The following CAMTA1 variants were observed in gnomAD, a reference collection of about 807,000 sequenced individuals.
The protein encoded by CAMTA1 is calmodulin-binding transcription activator 1.
CAMTA1 carries 27 observed loss-of-function variants against 170.9 expected under a neutral mutation model. That is an observed-to-expected ratio of 0.16 (90% CI 0.12 to 0.22). CAMTA1 has a LOEUF of 0.22. Among genes scored for constraint, CAMTA1 ranks in the 10% least tolerant of loss-of-function variants. The probability of loss-of-function intolerance (pLI) is 1.00; values close to 1 mark genes in which losing one functional copy is unlikely to be tolerated. For missense variants in CAMTA1, 1,619 were observed against 2,217.2 expected (o/e 0.73, Z 5.42); for synonymous variants, 833 against 891.5 (o/e 0.93, Z 1.17).
At chr1:6,880,804 A>G (rs1461764906) in intron 3 of CAMTA1, among the ~76,000 whole-genome samples, 2 of 152,152 alleles carry the variant, frequency 1.3e-5, no homozygotes, top group South Asian at 2.1e-4. Flanking sequence ...TGTTTGTTCA[A>G]TAAATACTTA....
At chr1:7,012,043 G>A (rs1276840355) in intron 3 of CAMTA1, among the ~76,000 whole-genome samples, 1 of 152,160 alleles carries the variant, frequency 6.6e-6, no homozygotes, top group African/African-American at 2.4e-5. Context: ...CTCACTGGGG[G>A]AAACCACAAT....
intron 4 of CAMTA1, among the ~76,000 whole-genome samples, chr1:7,152,287 C>T (rs2148693879): frequency 6.6e-6 from 1 of 152,284 alleles, no homozygotes; most frequent in Non-Finnish European, 1.5e-5. Context: ...GTAGCTCCTA[C>T]ATCTCCAGTA....
intron 5 of CAMTA1, among the ~76,000 whole-genome samples, chr1:7,387,458 C>T (rs751570099): frequency 5.3e-5 from 8 of 152,152 alleles, no homozygotes; most frequent in African/African-American, 9.7e-5. Context: ...CAGGCCAGGC[C>T]GTGGGGTCTC....
At position 6,795,454 on chromosome 1, in the gene CAMTA1, G is replaced by A. The variant is rs144409026; in HGVS notation, c.45+9879G>A. On this transcript the variant is annotated intron_variant, in intron 1 of 22. Transcript: ENST00000303635. ...AGCAGTCCGTCTGCCTCAGCCTCCC[G>A]AAGTGCTGGGATTTACAAGTGTGAG... 4.2e-4 allele frequency among the ~76,000 whole-genome samples: 64 copies of A among 151,982 alleles called. No individual in the cohort carries two copies. In the East Asian group the frequency reaches 0.011, roughly 26 times the overall value.
chr1:6,790,373 A>T (rs1401020327), intron 1 of CAMTA1, among the ~76,000 whole-genome samples: 3 of 139,848 alleles, frequency 2.1e-5, no homozygotes, highest in Admixed American at 7.1e-5. Flanking sequence ...AGAGAGAGAG[A>T]GAGTGTGTGT....
intron 3 of CAMTA1, among the ~76,000 whole-genome samples, chr1:6,963,713 C>A (rs1690975984): frequency 6.6e-6 from 1 of 152,150 alleles, no homozygotes; most frequent in Non-Finnish European, 1.5e-5. Flanking sequence ...GCTGACCTGG[C>A]TGGGGGGGCG....
At chr1:7,211,056 C>G (rs981179846) in intron 4 of CAMTA1, among the ~76,000 whole-genome samples, 1 of 152,138 alleles carries the variant, frequency 6.6e-6, no homozygotes, top group Non-Finnish European at 1.5e-5. Context: ...TACCTATCAC[C>G]TAGGTTCTTT....
intron 1 of CAMTA1, among the ~76,000 whole-genome samples, chr1:6,819,165 A>C (rs938027532): frequency 6.6e-6 from 1 of 152,124 alleles, no homozygotes; most frequent in East Asian, 1.9e-4. Flanking sequence ...CTTGTAAACT[A>C]TCTTTGGTTT....
chr1:7,293,493 C>T lies in CAMTA1; in HGVS notation c.438+43867C>T, dbSNP rs1411846690. 2.6e-5 allele frequency among the ~76,000 whole-genome samples: 4 copies of T among 152,166 alleles called. No individual in the cohort carries two copies. The highest frequency in any genetic ancestry group is 9.6e-5 in the African/African-American group (4 of 41,454). The stretch of plus-strand genomic sequence containing the variant: ...TTGTGGGGCAGAGGCCCGGATGGCT[C>T]CATGATCCATGTGCATGTGTTCCCG... On this transcript the variant is annotated intron_variant, in intron 5 of 22. Coordinates refer to ENST00000303635, the MANE Select transcript of CAMTA1 (RefSeq NM_015215.4). This position sits in a 1 kb window ranked among gnomAD's most constrained non-coding sequence, Gnocchi z 4.1.
rs1444245062 is a variant in CAMTA1, at chr1:7,044,515, G to C, written c.235-46789G>C. On this transcript the variant is annotated intron_variant, in intron 3 of 22. Transcript: ENST00000303635. The surrounding 1 kb of genome is among the most constrained non-coding windows in gnomAD (Gnocchi z 5.0). ...GGCACAAACACCAGGCCTTCAGCAG[G>C]GCCATAAGCATCTGAGGCTAGGAAG... 6.6e-6 allele frequency among the ~76,000 whole-genome samples: 1 copy of C among 152,268 alleles called. No homozygotes were observed. The highest frequency in any genetic ancestry group is 2.4e-5 in the African/African-American group (1 of 41,550).
intron 3 of CAMTA1, among the ~76,000 whole-genome samples, chr1:6,895,845 G>GTT (rs56029510): frequency 2.0e-5 from 3 of 151,982 alleles, no homozygotes; most frequent in Non-Finnish European, 4.4e-5. Flanking sequence ...TGGCAGTGTG[G>GTT]TTTTTTTCGT....
chr1:7,755,217 C>G (rs2096922869), intron 21 of CAMTA1, among the ~76,000 whole-genome samples: 1 of 149,208 alleles, frequency 6.7e-6, no homozygotes, highest in Non-Finnish European at 1.5e-5. Flanking sequence ...ATCCCAGCTA[C>G]TTGGGAGGCT....
At chr1:7,069,956 A>C (rs1227639229) in intron 3 of CAMTA1, among the ~76,000 whole-genome samples, 1 of 152,252 alleles carries the variant, frequency 6.6e-6, no homozygotes, top group Non-Finnish European at 1.5e-5. Context: ...ATCTTGGTTA[A>C]TGAGAGCTCT....
intron 3 of CAMTA1, among the ~76,000 whole-genome samples, chr1:7,052,633 C>G (rs990766301): frequency 2.6e-5 from 4 of 152,172 alleles, no homozygotes; most frequent in Non-Finnish European, 5.9e-5. Context: ...TGACCAGGTG[C>G]GTGGCTCGTC....
intron 6 of CAMTA1, among the ~76,000 whole-genome samples, chr1:7,480,295 GTGT>G (rs2093502692): frequency 2.7e-5 from 4 of 149,786 alleles, no homozygotes; most frequent in Admixed American, 2.0e-4. Flanking sequence ...GAGTGCGTGT[GTGT>G]ATGAGTGCAT....
At chr1:7,508,411 G>A (rs909003922) in intron 6 of CAMTA1, among the ~76,000 whole-genome samples, 7 of 152,208 alleles carry the variant, frequency 4.6e-5, no homozygotes, top group Non-Finnish European at 7.3e-5. Flanking sequence ...TTGATTTGTC[G>A]CTAGTCCTGA....
intron 6 of CAMTA1, among the ~76,000 whole-genome samples, chr1:7,589,548 G>A (rs988967492): frequency 6.6e-6 from 1 of 152,178 alleles, no homozygotes; most frequent in East Asian, 1.9e-4. Flanking sequence ...TTCTGTGCAG[G>A]CCTGCAGTTC....
chr1:7,194,746 G>A (rs772106434), intron 4 of CAMTA1, among the ~76,000 whole-genome samples: 1 of 152,152 alleles, frequency 6.6e-6, no homozygotes, highest in East Asian at 1.9e-4. Context: ...GGAGAGGGCC[G>A]TGCAGTCCCC....
At chr1:7,388,886 G>A (rs558629234) in intron 5 of CAMTA1, among the ~76,000 whole-genome samples, 5 of 152,210 alleles carry the variant, frequency 3.3e-5, no homozygotes, top group African/African-American at 9.6e-5. Context: ...GAGCCAGGGT[G>A]TGCCCAGTGC....
Sources: allele counts gnomAD v4.1 joint callset (sites outside exome capture counted in the v4.1 genomes callset), GRCh38; gene constraint gnomAD v4.1.1; non-coding constraint Gnocchi (gnomAD v3.1); transcripts MANE v1.5; gene names NCBI Gene and HGNC (gene_info 2026-07-23, HGNC 2026-07-21).